Variants in PTGES3 observed in about 807,000 individuals in gnomAD.
PTGES3 encodes prostaglandin E synthase 3, also known as Hsp90 co-chaperone.
PTGES3 carries 5 observed loss-of-function variants against 29.9 expected under a neutral mutation model. The ratio of observed to expected loss-of-function variants is 0.17; its 90% CI spans 0.09 to 0.35. PTGES3 has a LOEUF of 0.35. Among genes scored for constraint, PTGES3 ranks in the 10% least tolerant of loss-of-function variants. PTGES3 has a pLI of 1.00. For synonymous variants in PTGES3, 49 were observed against 57.8 expected, an observed-to-expected ratio of 0.85 and a Z score of 0.69; for missense variants, 128 against 190.0, an observed-to-expected ratio of 0.67 and a Z score of 1.92.
intron 1 of PTGES3, among the ~76,000 whole-genome samples, chr12:56,677,694 G>C (rs541494033): frequency 6.6e-6 from 1 of 151,822 alleles, no homozygotes; most frequent in East Asian, 1.9e-4. Context: ...GGGTACCTGT[G>C]TTTTTTTGAG....
Position 56,672,942 on chromosome 12 carries a change from C to T in PTGES3, c.116+10G>A. On this transcript the variant is annotated intron_variant, in intron 2 of 7. Transcript: ENST00000262033. ...CTATTTTACATCATTGGATAAAAAG[C>T]TTAACTTACCTGAATGTAAGTTTGG... 1 of 1,591,044 alleles carries T rather than the reference C, an allele frequency of 6.3e-7. No homozygotes were observed. Among genetic ancestry groups the T allele is most frequent in the Non-Finnish European group, 8.5e-7 (1 of 1,170,108 alleles).
At chr12:56,679,225 A>G (rs1478110722) in intron 1 of PTGES3, among the ~76,000 whole-genome samples, 3 of 152,142 alleles carry the variant, frequency 2.0e-5, no homozygotes, top group Admixed American at 6.6e-5. Context: ...CCATGCCAAC[A>G]TGGCAAAACC....
chr12:56,680,032 G>A (rs866383023), intron 1 of PTGES3, among the ~76,000 whole-genome samples: 9 of 151,810 alleles, frequency 5.9e-5, no homozygotes, highest in African/African-American at 1.9e-4. Flanking sequence ...AAGGCAAAAG[G>A]AGATTTCATA....
At chr12:56,675,363 T>A (rs1592259937) in intron 1 of PTGES3, among the ~76,000 whole-genome samples, 1 of 151,842 alleles carries the variant, frequency 6.6e-6, no homozygotes, top group African/African-American at 2.4e-5. Flanking sequence ...ATGTCCCAGA[T>A]AAAACAAATT....
chr12:56,684,609 G>C (rs1952736988), intron 1 of PTGES3, among the ~76,000 whole-genome samples: 1 of 152,052 alleles, frequency 6.6e-6, no homozygotes, highest in Non-Finnish European at 1.5e-5. Flanking sequence ...CATTAGACAG[G>C]AAAAACAACA....
intron 5 of PTGES3, 102 bp downstream of exon 5, chr12:56,670,173 T>C: frequency 1.4e-6 from 1 of 713,650 alleles, no homozygotes; most frequent in Non-Finnish European, 2.5e-6. Context: ...TAAAATAACA[T>C]GCATCATGAA....
chr12:56,673,591 C>T (rs1003984909), intron 1 of PTGES3, among the ~76,000 whole-genome samples: 10 of 148,140 alleles, frequency 6.8e-5, no homozygotes, highest in Non-Finnish European at 1.2e-4. Flanking sequence ...CTCAGGAGTT[C>T]GAGACCAGCC....
intron 1 of PTGES3, among the ~76,000 whole-genome samples, chr12:56,683,876 G>T (rs926678489): frequency 7.1e-6 from 1 of 140,396 alleles, no homozygotes; most frequent in African/African-American, 2.7e-5. Flanking sequence ...AGAGAATGGC[G>T]TGAACCCCAG....
intron 3 of PTGES3, 46 bp downstream of exon 3, chr12:56,672,694 G>A (rs1328939055): frequency 6.7e-7 from 1 of 1,500,798 alleles, no homozygotes; most frequent in Non-Finnish European, 8.9e-7. Flanking sequence ...TGGTATGTCT[G>A]TTTCCTCACA....
intron 1 of PTGES3, among the ~76,000 whole-genome samples, chr12:56,679,762 C>T (rs1952440111): frequency 2.0e-5 from 3 of 152,206 alleles, no homozygotes; most frequent in Admixed American, 2.0e-4. Context: ...GCAACCTCCA[C>T]CTCCCAGGTT....
chr12:56,687,305 G>C (rs1007096745), intron 1 of PTGES3: 1 of 990,606 alleles, frequency 1.0e-6, no homozygotes, highest in Non-Finnish European at 1.2e-6. Flanking sequence ...GTCGACACGT[G>C]CGGAACTACC....
chr12:56,680,361 C>A (rs1483823421), intron 1 of PTGES3, among the ~76,000 whole-genome samples: 1 of 151,656 alleles, frequency 6.6e-6, no homozygotes, highest in Non-Finnish European at 1.5e-5. Context: ...AGGTGTGAGT[C>A]ACTGCACCCA....
chr12:56,678,734 G>A (rs1438021862), intron 1 of PTGES3, among the ~76,000 whole-genome samples: 3 of 152,130 alleles, frequency 2.0e-5, no homozygotes, highest in African/African-American at 7.2e-5. Flanking sequence ...TTTTAGATAG[G>A]ACTATAGAGG....
Position 56,688,169 on chromosome 12 carries a change from C to G in PTGES3, c.-170G>C, listed in dbSNP as rs1952978485. 1.6e-6 allele frequency: 2 copies of G among 1,216,388 alleles called. No individual in the cohort carries two copies. The highest frequency in any genetic ancestry group is 3.6e-5 in the South Asian group (2 of 55,876). 75.3% of individuals were successfully genotyped at this position (1,216,388 alleles called of 1,614,324 possible). On this transcript the variant is annotated 5_prime_UTR_variant, in exon 1 of 8. Transcript: ENST00000262033. ...CAGCGGCGGGCTCGACCTCGGGCCC[C>G]AGAATGCACCGCGCGGAAAGAGCGG... is the stretch of plus-strand genomic sequence containing the variant.
At chr12:56,683,114 C>A (rs1952630602) in intron 1 of PTGES3, among the ~76,000 whole-genome samples, 1 of 152,004 alleles carries the variant, frequency 6.6e-6, no homozygotes. Flanking sequence ...CTCTAGGAGT[C>A]TGAGGCGCGT....
intron 3 of PTGES3, among the ~76,000 whole-genome samples, chr12:56,672,116 T>C (rs1952027233): frequency 6.6e-6 from 1 of 152,202 alleles, no homozygotes; most frequent in Non-Finnish European, 1.5e-5. Context: ...TACCATTTTT[T>C]TCTTTCCTGC....
chr12:56,679,081 C>A (rs2137679187), intron 1 of PTGES3, among the ~76,000 whole-genome samples: 1 of 152,230 alleles, frequency 6.6e-6, no homozygotes, highest in Middle Eastern at 3.4e-3. Flanking sequence ...TGTACCACTG[C>A]ACTCCAGCCT....
At position 56,679,458 on chromosome 12, in the gene PTGES3, A is replaced by G. The variant is rs376808086; in HGVS notation, c.3-6393T>C. Among the ~76,000 whole-genome samples the G allele has an allele frequency of 1.2e-4, 17 of 143,708 alleles. No homozygotes were observed. The East Asian group carries it at 1.6e-3, about 13-fold the overall frequency. 94.3% of individuals were successfully genotyped at this position (143,708 alleles called of 152,430 possible). ...CATGGAATGTCCGCCTGTGGGGTTT[A>G]TTGTTGTTTTGCTTTAAGTAGATTA... On this transcript the variant is annotated intron_variant, in intron 1 of 7. Coordinates refer to ENST00000262033, the MANE Select transcript of PTGES3 (RefSeq NM_006601.7).
chr12:56,676,833 G>A (rs1045725107), intron 1 of PTGES3, among the ~76,000 whole-genome samples: 1 of 133,940 alleles, frequency 7.5e-6, no homozygotes, highest in South Asian at 2.4e-4. Context: ...TGAAGCACAA[G>A]AATCCTTGAA....
Sources: allele counts gnomAD v4.1 joint callset (sites outside exome capture counted in the v4.1 genomes callset), GRCh38; gene constraint gnomAD v4.1.1; transcripts MANE v1.5; gene names NCBI Gene and HGNC (gene_info 2026-07-23, HGNC 2026-07-21).